The following ERC1 variants were observed in gnomAD, a reference collection of about 807,000 sequenced individuals.
ERC1 encodes the protein ELKS/RAB6-interacting/CAST family member 1.
Under a neutral mutation model 132.0 loss-of-function variants are expected in ERC1, and 56 were observed. The observed-to-expected ratio is 0.42, with a 90% CI of 0.34 to 0.53. ERC1 has a LOEUF of 0.53. ERC1 is among the 20% of genes least tolerant of loss of function. The pLI is 0.03. For synonymous variants in ERC1, 478 were observed against 476.1 expected (o/e 1.00, Z -0.05); for missense variants, 1,202 against 1,349.9 (o/e 0.89, Z 1.72).
chr12:1,492,495 C>T lies in ERC1; in HGVS notation c.*2265C>T, dbSNP rs1249472768. ...CTCTCTCCAAGCAGGTGGCCCAGAT[C>T]CCACCCACGTGGACTTTCTCATCAG... On this transcript the variant is annotated 3_prime_UTR_variant, in exon 19 of 19. Coordinates refer to ENST00000360905, the MANE Select transcript of ERC1 (RefSeq NM_178040.4). 4 of 233,298 alleles carry T rather than the reference C, an allele frequency of 1.7e-5. No individual in the cohort carries two copies. Among genetic ancestry groups the T allele is most frequent in the Non-Finnish European group, 3.4e-5 (4 of 118,064 alleles). 14.5% of individuals were successfully genotyped at this position (233,298 alleles called of 1,614,324 possible). A position where few individuals can be genotyped will look rare whatever the true frequency, so the allele number is the denominator to read the frequency against.
intron 8 of ERC1, among the ~76,000 whole-genome samples, chr12:1,142,453 T>C (rs1949943301): frequency 6.6e-6 from 1 of 152,234 alleles, no homozygotes; most frequent in African/African-American, 2.4e-5. Flanking sequence ...TGTACATGTT[T>C]AGTTTATACA....
At position 1,408,210 on chromosome 12, in the gene ERC1, A is replaced by G. The variant is rs1198122863; in HGVS notation, c.2987A>G (p.His996Arg). ...NYEDDHFKSS[H>R]SNQTNHKPSP... is the part of the protein sequence containing the mutation. ...GAGGATGACCACTTCAAATCCTCCC[A>G]TTCCAATCAAACAAATCACAAGCCC... Residue 996 changes from histidine to arginine, a missense_variant, in exon 17 of 19, where the codon CAT becomes CGT. His to Arg is a conservative substitution (Grantham distance 29). Coordinates refer to ENST00000360905, the MANE Select transcript of ERC1 (RefSeq NM_178040.4). The G allele has an allele frequency of 6.2e-7, 1 of 1,614,098 alleles. No individual in the cohort carries two copies. Among genetic ancestry groups the G allele is most frequent in the South Asian group, 1.1e-5 (1 of 91,056 alleles).
intron 16 of ERC1, among the ~76,000 whole-genome samples, chr12:1,382,423 G>A (rs1276136167): frequency 6.6e-6 from 1 of 152,170 alleles, no homozygotes; most frequent in Non-Finnish European, 1.5e-5. Context: ...TGTTATTCAG[G>A]CATCCATGTT....
At chr12:1,191,304 CAT>C (rs1468649039) in intron 12 of ERC1, among the ~76,000 whole-genome samples, 2 of 152,116 alleles carry the variant, frequency 1.3e-5, no homozygotes, top group Non-Finnish European at 2.9e-5. Flanking sequence ...ACAACACACA[CAT>C]GTACACATGT....
chr12:1,455,300 G>A (rs2093507344), intron 18 of ERC1, among the ~76,000 whole-genome samples: 1 of 152,098 alleles, frequency 6.6e-6, no homozygotes, highest in Non-Finnish European at 1.5e-5. Flanking sequence ...ATTGATCTGT[G>A]GAACACTAGG....
chr12:1,124,424 T>C (rs548039103), intron 7 of ERC1, among the ~76,000 whole-genome samples: 54 of 152,178 alleles, frequency 3.5e-4, no homozygotes, highest in Non-Finnish European at 7.1e-4. Context: ...AGGAAAAATA[T>C]AAACATTTAA....
chr12:1,083,978 A>T (rs1942602451), intron 3 of ERC1, among the ~76,000 whole-genome samples: 1 of 152,254 alleles, frequency 6.6e-6, no homozygotes, highest in Non-Finnish European at 1.5e-5. Flanking sequence ...GTAAGCGGTT[A>T]TCTCAGCTTA....
intron 7 of ERC1, among the ~76,000 whole-genome samples, chr12:1,132,620 G>C (rs1948870065): frequency 6.6e-6 from 1 of 152,154 alleles, no homozygotes; most frequent in African/African-American, 2.4e-5. Context: ...CACAAATGTT[G>C]TCCTGTGTGA....
intron 15 of ERC1, among the ~76,000 whole-genome samples, chr12:1,341,061 T>C (rs2083794211): frequency 1.0e-5 from 1 of 100,412 alleles, no homozygotes; most frequent in Non-Finnish European, 2.1e-5. Context: ...ACTTATTCTT[T>C]TCTTTTTCTT....
At chr12:1,366,852 A>C (rs1305315261) in intron 15 of ERC1, among the ~76,000 whole-genome samples, 1 of 152,150 alleles carries the variant, frequency 6.6e-6, no homozygotes, top group Non-Finnish European at 1.5e-5. Flanking sequence ...TAACATGTAA[A>C]ATGTTAGTGT....
chr12:1,370,651 G>A (rs1172729576), intron 15 of ERC1, among the ~76,000 whole-genome samples: 2 of 152,072 alleles, frequency 1.3e-5, no homozygotes, highest in Non-Finnish European at 2.9e-5. Flanking sequence ...TACAACTATA[G>A]GAACTCTTTT....
At chr12:1,284,129 G>C (rs1479345913) in intron 14 of ERC1, among the ~76,000 whole-genome samples, 1 of 152,062 alleles carries the variant, frequency 6.6e-6, no homozygotes, top group African/African-American at 2.4e-5. Context: ...ATTTCTTCTA[G>C]CTCCCACGTG....
chr12:1,167,913 A>G (rs1952597738), intron 8 of ERC1, among the ~76,000 whole-genome samples: 1 of 151,816 alleles, frequency 6.6e-6, no homozygotes, highest in African/African-American at 2.4e-5. Flanking sequence ...ACGGGGTTTC[A>G]GCATGTTGGC....
chr12:1,196,941 CACACACACACACACACACACATATAT>C (rs1956350112), intron 12 of ERC1, among the ~76,000 whole-genome samples: 2 of 42,394 alleles, frequency 4.7e-5, no homozygotes, highest in Non-Finnish European at 4.3e-5. Flanking sequence ...CACACACACA[CACACACACACACACACACACATATAT>C]ATATATATAT....
At chr12:1,342,968 G>T (rs79457330) in intron 15 of ERC1, among the ~76,000 whole-genome samples, 4,696 of 152,252 alleles carry the variant, frequency 0.031, 112 homozygotes, top group Non-Finnish European at 0.047. Context: ...CACACTTAAT[G>T]AAATAAATAC....
At chr12:1,024,498 T>C (rs1052610820) in intron 1 of ERC1, among the ~76,000 whole-genome samples, 2 of 152,152 alleles carry the variant, frequency 1.3e-5, no homozygotes, top group Middle Eastern at 3.2e-3. Flanking sequence ...ACTTTTAACC[T>C]GTTTGACCAG....
chr12:1,460,590 A>G (rs2093624832), intron 18 of ERC1, among the ~76,000 whole-genome samples: 1 of 152,178 alleles, frequency 6.6e-6, no homozygotes, highest in African/African-American at 2.4e-5. Context: ...AACTTCCTAG[A>G]TCTCTCCACA....
intron 1 of ERC1, among the ~76,000 whole-genome samples, chr12:994,271 A>G (rs913250789): frequency 2.0e-5 from 3 of 152,208 alleles, no homozygotes; most frequent in Admixed American, 2.0e-4. Context: ...CAGTTTTCAG[A>G]GACATATAGT....
Position 1,356,212 on chromosome 12 carries a change from AAGTGTGTGTGTGTGT to A in ERC1, c.2781-15620_2781-15606del, listed in dbSNP as rs1290229824. 2.1e-3 allele frequency among the ~76,000 whole-genome samples: 256 copies of A among 119,094 alleles called. 1 individual carries two copies. Among genetic ancestry groups the A allele is most frequent in the African/African-American group, 7.9e-3 (239 of 30,200 alleles). 78.1% of individuals were successfully genotyped at this position (119,094 alleles called of 152,430 possible). On this transcript the variant is annotated intron_variant, in intron 15 of 18. Transcript: ENST00000360905. ...AAGTGAGACTGTCAAAAAAAAAAAA[AAGTGTGTGTGTGTGT>A]GTGTGTGTGTGTGTGTGTGTTTATA...
Sources: allele counts gnomAD v4.1 joint callset (sites outside exome capture counted in the v4.1 genomes callset), GRCh38; gene constraint gnomAD v4.1.1; transcripts MANE v1.5; gene names NCBI Gene and HGNC (gene_info 2026-07-23, HGNC 2026-07-21).